Variants in ADAMTSL1 observed in about 807,000 individuals in gnomAD.
ADAMTSL1 encodes the protein ADAMTS like 1, also known as ADAMTS-like protein 1.
In ADAMTSL1, 126 loss-of-function variants were observed where a neutral mutation model predicts 201.8. The observed-to-expected ratio is 0.62, with a 90% CI of 0.54 to 0.72. The LOEUF (loss-of-function observed/expected upper bound fraction) is 0.72, where lower values mean the gene tolerates loss of function less well. Ranked by LOEUF, ADAMTSL1 falls within the 30% of genes least tolerant of loss-of-function variation. The pLI is 0.00. For synonymous variants in ADAMTSL1, 1,121 were observed against 903.4 expected (o/e 1.24, Z -4.32); for missense variants, 2,679 against 2,277.8 (o/e 1.18, Z -3.59).
At chr9:18,101,886 G>A (rs1824540705) in intron 1 of ADAMTSL1, among the ~76,000 whole-genome samples, 1 of 152,174 alleles carries the variant, frequency 6.6e-6, no homozygotes, top group Non-Finnish European at 1.5e-5. Flanking sequence ...CCACATCAGT[G>A]TTTCTTCTTG....
intron 4 of ADAMTSL1, among the ~76,000 whole-genome samples, chr9:18,593,222 G>C (rs760746778): frequency 6.6e-6 from 1 of 151,900 alleles, no homozygotes; most frequent in Non-Finnish European, 1.5e-5. Context: ...GCAGCAGTTT[G>C]ATTTCTCTAG....
At position 17,913,271 on chromosome 9, in the gene ADAMTSL1, A is replaced by G. The variant is rs560696044; in HGVS notation, c.87+6349A>G. Reference sequence around the variant, plus strand: ...GCTTGATGGGGATGGCATTGAATCTATAAATTACCTTGGGCAATATGGCCA... The same window carrying G: ...GCTTGATGGGGATGGCATTGAATCTGTAAATTACCTTGGGCAATATGGCCA... On this transcript the variant is annotated intron_variant, in intron 1 of 29. Transcript: ENST00000680146. Among the ~76,000 whole-genome samples, 10 of 152,294 alleles carry G rather than the reference A, an allele frequency of 6.6e-5. No homozygotes were observed. The South Asian group carries it at 1.0e-3, about 16-fold the overall frequency.
chr9:18,326,640 C>T (rs1834840793), intron 2 of ADAMTSL1, among the ~76,000 whole-genome samples: 1 of 152,172 alleles, frequency 6.6e-6, no homozygotes, highest in Non-Finnish European at 1.5e-5. Context: ...AACCTTAGCA[C>T]ATTCCTCTTG....
intron 1 of ADAMTSL1, among the ~76,000 whole-genome samples, chr9:18,150,684 G>T (rs1479803274): frequency 6.6e-6 from 1 of 151,822 alleles, no homozygotes; most frequent in Non-Finnish European, 1.5e-5. Context: ...ATCAATGGGA[G>T]GGAAAGAGTG....
At chr9:18,817,276 G>A (rs533007684) in intron 21 of ADAMTSL1, 39 bp downstream of exon 21, 2 of 1,542,566 alleles carry the variant, frequency 1.3e-6, no homozygotes, top group African/African-American at 2.7e-5. Context: ...CGTTAATGGA[G>A]CCCTGTGCTA....
At chr9:18,684,844 T>A in intron 13 of ADAMTSL1, 44 bp downstream of exon 13, 2 of 1,567,474 alleles carry the variant, frequency 1.3e-6, no homozygotes, top group South Asian at 2.4e-5. Context: ...GAAACTGTTT[T>A]GTTTAAAGAA....
At chr9:18,583,961 G>A (rs531868330) in intron 4 of ADAMTSL1, among the ~76,000 whole-genome samples, 75 of 152,306 alleles carry the variant, frequency 4.9e-4, no homozygotes, top group African/African-American at 9.6e-4. Flanking sequence ...GCTCATAGGC[G>A]GAAGGGACTT....
intron 2 of ADAMTSL1, among the ~76,000 whole-genome samples, chr9:18,235,270 C>G (rs572139781): frequency 2.3e-4 from 35 of 152,268 alleles, no homozygotes; most frequent in African/African-American, 8.2e-4. Context: ...TGGGATTTGT[C>G]TGATGTTTTC....
At chr9:18,608,994 T>C (rs1361006534) in intron 4 of ADAMTSL1, among the ~76,000 whole-genome samples, 1 of 152,160 alleles carries the variant, frequency 6.6e-6, no homozygotes, top group African/African-American at 2.4e-5. Flanking sequence ...TTTCTTTCAT[T>C]ACATTCAACT....
intron 2 of ADAMTSL1, among the ~76,000 whole-genome samples, chr9:18,516,706 T>A (rs1186995315): frequency 6.6e-6 from 1 of 152,206 alleles, no homozygotes; most frequent in Non-Finnish European, 1.5e-5. Context: ...TGAAATCAAG[T>A]GGGCAGTGCC....
intron 1 of ADAMTSL1, among the ~76,000 whole-genome samples, chr9:18,501,617 ATACTTC>A (rs1332629601): frequency 6.6e-6 from 1 of 152,236 alleles, no homozygotes; most frequent in East Asian, 1.9e-4. Flanking sequence ...CAATAAACAA[ATACTTC>A]TAGATTTTAA....
At chr9:18,498,556 T>C (rs565296759) in intron 1 of ADAMTSL1, among the ~76,000 whole-genome samples, 59 of 152,274 alleles carry the variant, frequency 3.9e-4, no homozygotes, top group African/African-American at 1.4e-3. Context: ...CAGGCTGGTC[T>C]CAAAGTCTTG....
At chr9:18,006,828 A>G (rs1443547275) in intron 1 of ADAMTSL1, among the ~76,000 whole-genome samples, 1 of 152,038 alleles carries the variant, frequency 6.6e-6, no homozygotes, top group African/African-American at 2.4e-5. Flanking sequence ...CTTAAGTACT[A>G]AGTGAATAGG....
chr9:18,581,422 A>T (rs140249551), intron 4 of ADAMTSL1, among the ~76,000 whole-genome samples: 2 of 152,316 alleles, frequency 1.3e-5, no homozygotes, highest in African/African-American at 4.8e-5. Context: ...TCAACCCATG[A>T]CAGCCAGCTG....
chr9:18,146,008 A>T (rs1461987923), intron 1 of ADAMTSL1, among the ~76,000 whole-genome samples: 2 of 152,198 alleles, frequency 1.3e-5, no homozygotes, highest in African/African-American at 2.4e-5. Flanking sequence ...TATCACTAGG[A>T]AAATGCAAAT....
chr9:18,083,641 T>C (rs1191875836), intron 1 of ADAMTSL1, among the ~76,000 whole-genome samples: 1 of 152,236 alleles, frequency 6.6e-6, no homozygotes, highest in African/African-American at 2.4e-5. Context: ...ATTCCAATTC[T>C]AAACACAGTG....
At chr9:18,361,239 G>A (rs761102531) in intron 2 of ADAMTSL1, among the ~76,000 whole-genome samples, 3 of 152,060 alleles carry the variant, frequency 2.0e-5, no homozygotes, top group Non-Finnish European at 4.4e-5. Context: ...ATTATAAGGA[G>A]CATTAAAGTC....
At chr9:18,170,288 A>G (rs992684850) in intron 2 of ADAMTSL1, among the ~76,000 whole-genome samples, 4 of 152,202 alleles carry the variant, frequency 2.6e-5, no homozygotes, top group Non-Finnish European at 5.9e-5. Flanking sequence ...TGGAAAGGAA[A>G]AAGGAAGCTG....
At chr9:18,694,268 G>C (rs112487110) in intron 13 of ADAMTSL1, among the ~76,000 whole-genome samples, 2 of 151,924 alleles carry the variant, frequency 1.3e-5, no homozygotes, top group Admixed American at 1.3e-4. Flanking sequence ...CCTGCCCCTG[G>C]CCCCTCCCAA....
Sources: gnomAD v4.1 joint callset for allele counts (sites outside exome capture counted in the v4.1 genomes callset) on GRCh38, gnomAD v4.1.1 for gene constraint, MANE v1.5 for transcripts, NCBI Gene and HGNC (gene_info 2026-07-23, HGNC 2026-07-21) for gene names.